MYO19: variants seen among roughly 807,000 people sequenced by gnomAD.
MYO19 encodes myosin XIX, also known as unconventional myosin-XIX.
In MYO19, 132 loss-of-function variants were observed where a neutral mutation model predicts 129.2. The observed-to-expected ratio is 1.02, with a 90% CI of 0.89 to 1.18. MYO19 has a LOEUF of 1.18. Ranked by LOEUF, MYO19 falls within the 50% of genes most tolerant of loss-of-function variation. The pLI is 0.00. For missense variants in MYO19, 1,210 were observed against 1,216.7 expected, an observed-to-expected ratio of 0.99 and a Z score of 0.08; for synonymous variants, 531 against 477.2, an observed-to-expected ratio of 1.11 and a Z score of -1.47.
At chr17:36,543,380 C>G (rs983649975) in exon 1 of MYO19, 6 of 152,184 alleles carry the variant, frequency 3.9e-5, no homozygotes, top group African/African-American at 1.2e-4. Flanking sequence ...GTCTCGAACT[C>G]CTGACCTCAA....
At chr17:36,538,164 T>C (rs758655367), upstream of MYO19, 4 of 1,614,018 alleles carry the variant, frequency 2.5e-6, no homozygotes, top group Admixed American at 5.0e-5. Context: ...CATATCTCTT[T>C]ACGTAGTTCA....
chr17:36,506,823 T>A, intron 17 of MYO19, 140 bp downstream of exon 17: 1 of 1,186,400 alleles, frequency 8.4e-7, no homozygotes. Context: ...CTCAGACAGG[T>A]GGGCCCAAGA....
rs2073404025 is a variant in MYO19, at chr17:36,525,419, T to C, written c.301-78A>G. 1.6e-5 allele frequency: 17 copies of C among 1,078,570 alleles called. 1 individual carries two copies. The South Asian group carries it at 1.9e-4, about 12-fold the overall frequency. The allele number at this position is 1,078,570 out of a possible 1,614,324, so 66.8% of individuals were successfully genotyped here. A position where few individuals can be genotyped will look rare whatever the true frequency, so the allele number is the denominator to read the frequency against. On this transcript the variant is annotated intron_variant, in intron 5 of 25. Coordinates refer to ENST00000614623, the MANE Select transcript of MYO19 (RefSeq NM_001163735.2). ...ATGACTGAGCCAATGATGACTGAGA[T>C]GGGGAGGCTGCCAATAGCAGTGGTG...
In MYO19 at chr17:36,528,097, G is replaced by A. The variant is rs765302766; in HGVS notation, c.118C>T (p.Leu40Phe). ...AGTGTCACAGGATTCACCCTGGTGA[G>A]GTCATCCAGTTTGTACAGCAGGACC... ...GEVLLYKLDD[L>F]TRVNPVTLET... is the part of the protein sequence containing the mutation. The change falls in exon 4 of 26, where the codon CTC (leucine) becomes TTC (phenylalanine). Residue 40 changes from leucine (L) to phenylalanine (F), a missense_variant. Leu to Phe is a conservative substitution (Grantham distance 22). Transcript: ENST00000614623. 32 of 1,613,846 alleles carry A rather than the reference G, an allele frequency of 2.0e-5. No homozygotes were observed. Among genetic ancestry groups the A allele is most frequent in the Non-Finnish European group, 2.5e-5 (29 of 1,179,866 alleles).
intron 19 of MYO19, chr17:36,505,071 G>T: frequency 1.3e-6 from 1 of 742,274 alleles, no homozygotes; most frequent in Non-Finnish European, 2.5e-6. Flanking sequence ...AAAAAAACAA[G>T]ATGCACTGGA....
At chr17:36,509,290 C>A in intron 13 of MYO19, 155 bp from the exon 14 acceptor site, 1 of 667,296 alleles carries the variant, frequency 1.5e-6, no homozygotes, top group South Asian at 1.7e-5. Context: ...TGCTTCCGGC[C>A]TATCACGTCT....
intron 2 of MYO19, chr17:36,533,695 G>C (rs886816622): frequency 1.3e-5 from 2 of 152,166 alleles, no homozygotes; most frequent in African/African-American, 2.4e-5. Context: ...AAAAGATCCT[G>C]ACCCTGGACA....
chr17:36,530,256 G>GA (rs1275031504), intron 3 of MYO19, among the ~76,000 whole-genome samples: 2 of 152,142 alleles, frequency 1.3e-5, no homozygotes, highest in Non-Finnish European at 2.9e-5. Flanking sequence ...AGGCTACAGT[G>GA]AGCTATGGGG....
At position 36,512,237 on chromosome 17, in the gene MYO19, A is replaced by AC. The variant is rs1567755390; in HGVS notation, c.895-783_895-782insG. ...CACACACACACACACACACACACAC[A>AC]AAATTAGCTGGGTGTGGTGGCACAT... is the stretch of plus-strand genomic sequence containing the variant. On this transcript the variant is annotated intron_variant, in intron 11 of 25. Coordinates refer to ENST00000614623, the MANE Select transcript of MYO19 (RefSeq NM_001163735.2). Among the ~76,000 whole-genome samples, 43 of 146,790 alleles carry AC rather than the reference A, an allele frequency of 2.9e-4. 1 individual carries two copies. The highest frequency in any genetic ancestry group is 2.6e-3 in the East Asian group (13 of 4,962).
chr17:36,524,961 T>C (rs185959535), intron 6 of MYO19, among the ~76,000 whole-genome samples: 1 of 152,260 alleles, frequency 6.6e-6, no homozygotes, highest in Non-Finnish European at 1.5e-5. Context: ...ACACTTTCGA[T>C]GAGAAAATAA....
At chr17:36,509,423 C>T (rs1186912890) in intron 13 of MYO19, 4 of 497,558 alleles carry the variant, frequency 8.0e-6, no homozygotes, top group South Asian at 2.3e-5. Flanking sequence ...GGGAATCAGT[C>T]GAGCTCAGTC....
At chr17:36,530,689 C>T (rs1164940998) in intron 3 of MYO19, among the ~76,000 whole-genome samples, 1 of 151,752 alleles carries the variant, frequency 6.6e-6, no homozygotes, top group African/African-American at 2.4e-5. Flanking sequence ...GGCACAATCT[C>T]GGCTCACTGC....
intron 6 of MYO19, 137 bp from the exon 7 acceptor site, chr17:36,516,127 C>A: frequency 9.5e-7 from 1 of 1,050,044 alleles, no homozygotes; most frequent in Non-Finnish European, 1.3e-6. Context: ...CAGAATTCAA[C>A]CCTGGCCTCA....
intron 6 of MYO19, among the ~76,000 whole-genome samples, chr17:36,523,452 G>A (rs996885962): frequency 6.6e-6 from 1 of 152,080 alleles, no homozygotes; most frequent in Non-Finnish European, 1.5e-5. Flanking sequence ...TGACAAGTCT[G>A]GTAATGAGTT....
At chr17:36,512,991 C>A (rs1389477148) in intron 11 of MYO19, 2 of 784,840 alleles carry the variant, frequency 2.5e-6, no homozygotes, top group Non-Finnish European at 1.7e-6. Context: ...GGTATCTGAC[C>A]TTGGGCACGT....
chr17:36,517,805 G>A (rs2072854807), intron 6 of MYO19, among the ~76,000 whole-genome samples: 1 of 151,976 alleles, frequency 6.6e-6, no homozygotes, highest in Admixed American at 6.6e-5. Context: ...ATAAGGTAAT[G>A]ACGCCAGGTG....
At position 36,528,324 on chromosome 17, in the gene MYO19, C is replaced by T. The variant is rs138891137; in HGVS notation, c.13-122G>A. ...GAGATCGAGACCATCCTGGTTAACACGGTGAAACCCCGTCTCTACTAAAAA... is the reference window on the plus strand; with the variant it reads ...GAGATCGAGACCATCCTGGTTAACATGGTGAAACCCCGTCTCTACTAAAAA... On this transcript the variant is annotated intron_variant, in intron 3 of 25. Transcript: ENST00000614623. 445 of 1,000,808 alleles carry T rather than the reference C, an allele frequency of 4.4e-4. 3 individuals are homozygous for T. The East Asian group carries it at 9.0e-3, about 20-fold the overall frequency. 62.0% of individuals were successfully genotyped at this position (1,000,808 alleles called of 1,614,324 possible). A position where few individuals can be genotyped will look rare whatever the true frequency, so the allele number is the denominator to read the frequency against.
intron 3 of MYO19, among the ~76,000 whole-genome samples, chr17:36,528,494 G>C (rs1236281817): frequency 1.3e-5 from 2 of 149,620 alleles, no homozygotes; most frequent in Non-Finnish European, 3.0e-5. Flanking sequence ...CTGGGCGACA[G>C]AGCAAGACTC....
chr17:36,541,845 G>A (rs1434226125), intron 2 of MYO19, among the ~76,000 whole-genome samples: 1 of 152,158 alleles, frequency 6.6e-6, no homozygotes, highest in Non-Finnish European at 1.5e-5. Flanking sequence ...AGTACTGGTG[G>A]TTATGGCTAA....
Sources: allele counts gnomAD v4.1 joint callset (sites outside exome capture counted in the v4.1 genomes callset), GRCh38; gene constraint gnomAD v4.1.1; transcripts MANE v1.5; gene names NCBI Gene and HGNC (gene_info 2026-07-23, HGNC 2026-07-21).